The following TMEM106A variants were observed in gnomAD, a reference collection of about 807,000 sequenced individuals.
TMEM106A encodes the protein transmembrane protein 106A.
In TMEM106A, 22 loss-of-function variants were observed where a neutral mutation model predicts 25.1. That is an observed-to-expected ratio of 0.88 (90% confidence interval 0.63 to 1.25). The LOEUF (loss-of-function observed/expected upper bound fraction) is 1.25, where lower values mean the gene tolerates loss of function less well. TMEM106A is among the 50% of genes most tolerant of loss of function. The probability of loss-of-function intolerance (pLI) is 0.00; values close to 1 mark genes in which losing one functional copy is unlikely to be tolerated. For missense variants in TMEM106A, 275 were observed against 318.1 expected, an observed-to-expected ratio of 0.86 and a Z score of 1.03; for synonymous variants, 104 against 129.9, an observed-to-expected ratio of 0.80 and a Z score of 1.35.
intron 4 of TMEM106A, among the ~76,000 whole-genome samples, chr17:43,214,975 C>CA (rs963637661): frequency 8.0e-4 from 86 of 106,990 alleles, no homozygotes; most frequent in African/African-American, 2.1e-3. Flanking sequence ...AAAAAAAAAA[C>CA]AAAAAAAAAC....
chr17:43,216,650 A>AG (rs2057489185), intron 6 of TMEM106A, 47 bp from the exon 7 acceptor site: 1 of 1,614,178 alleles, frequency 6.2e-7, no homozygotes, highest in Non-Finnish European at 8.5e-7. Context: ...GTAGTGGGAA[A>AG]GGGGCAGCTG....
At position 43,218,343 on chromosome 17, in the gene TMEM106A, TGTA is replaced by T. The variant is rs2057506020; in HGVS notation, c.*545_*547del. On this transcript the variant is annotated 3_prime_UTR_variant, in exon 9 of 9. Coordinates refer to ENST00000612339, the MANE Select transcript of TMEM106A (RefSeq NM_145041.4). ...TGTCCCGTCTGAATGTGGAGAGAGC[TGTA>T]GTTTTATCTGGCTTTTAAAACATGG... The T allele has an allele frequency of 6.5e-6, 1 of 154,564 alleles. No homozygotes were observed. The highest frequency in any genetic ancestry group is 6.4e-5 in the Admixed American group (1 of 15,552). 9.6% of individuals were successfully genotyped at this position (154,564 alleles called of 1,614,324 possible).
rs1396279902 is a variant in TMEM106A, at chr17:43,218,909, G to A, written c.*1108G>A. On this transcript the variant is annotated 3_prime_UTR_variant, in exon 9 of 9. Transcript: ENST00000612339. Reference sequence around the variant, plus strand: ...ACTGTCCCTGGTTCCTAGGAAGACAGAGTTGTTCTCCAGCTAAAGCGTCTC... The same window carrying A: ...ACTGTCCCTGGTTCCTAGGAAGACAAAGTTGTTCTCCAGCTAAAGCGTCTC... 6.6e-6 allele frequency: 1 copy of A among 152,178 alleles called. No homozygotes were observed. Among genetic ancestry groups the A allele is most frequent in the African/African-American group, 2.4e-5 (1 of 41,432 alleles). The allele number at this position is 152,178 out of a possible 1,614,324, so 9.4% of individuals were successfully genotyped here.
intron 4 of TMEM106A, 57 bp from the exon 5 acceptor site, chr17:43,215,731 G>C (rs1403519089): frequency 3.8e-6 from 6 of 1,598,210 alleles, no homozygotes; most frequent in Non-Finnish European, 5.1e-6. Context: ...CCCTCTCCGA[G>C]TTTCCTTGGT....
intron 8 of TMEM106A, 146 bp from the exon 9 acceptor site, chr17:43,217,535 A>G: frequency 6.9e-7 from 1 of 1,456,764 alleles, no homozygotes; most frequent in Non-Finnish European, 9.2e-7. Context: ...CAGGTGGGGC[A>G]GCTGTCCCAG....
In TMEM106A at chr17:43,216,529, C is replaced by T. The variant is rs375668016; in HGVS notation, c.510C>T (p.Leu170=). 1.3e-5 allele frequency: 21 copies of T among 1,614,096 alleles called. No homozygotes were observed. The East Asian group carries it at 2.9e-4, about 22-fold the overall frequency. The part of the protein sequence containing the change: ...QLTLEVLHLS[L]VVGQVSNNLL... ...CCCTCGAGGTTCTGCACCTGTCCCT[C>T]GTGGTGGGGCAGGTTTCCAACAACC... The change falls in exon 6 of 9, where the codon CTC becomes CTT. Residue 170 remains leucine (L), a synonymous_variant. Transcript: ENST00000612339.
At chr17:43,214,188 CAAAAAAA>C (rs1171744040) in intron 4 of TMEM106A, among the ~76,000 whole-genome samples, 2 of 50,926 alleles carry the variant, frequency 3.9e-5, no homozygotes, top group Non-Finnish European at 7.9e-5. Flanking sequence ...CCATCTCTAT[CAAAAAAA>C]AAAAAAAAAA....
intron 4 of TMEM106A, among the ~76,000 whole-genome samples, chr17:43,215,269 G>T (rs1269634819): frequency 6.6e-6 from 1 of 151,974 alleles, no homozygotes; most frequent in African/African-American, 2.4e-5. Flanking sequence ...AAAGAAATTA[G>T]CAGTGCACAT....
chr17:43,215,712 G>A (rs951838679), intron 4 of TMEM106A, 76 bp from the exon 5 acceptor site: 5 of 1,522,996 alleles, frequency 3.3e-6, no homozygotes, highest in African/African-American at 2.7e-5. Context: ...GGAGAGGAGT[G>A]TCTGAACCCC....
rs1173853926 is a variant in TMEM106A at position 43,213,085 on chromosome 17, A to G, written c.44A>G (p.Glu15Gly). 6.2e-7 allele frequency: 1 copy of G among 1,614,222 alleles called. No homozygotes were observed. The highest frequency in any genetic ancestry group is 8.5e-7 in the Non-Finnish European group (1 of 1,180,030). Residue 15 changes from glutamate (E) to glycine (G), a missense_variant, in exon 3 of 9, where the codon GAG (glutamate) becomes GGG (glycine). Coordinates refer to ENST00000612339, the MANE Select transcript of TMEM106A (RefSeq NM_145041.4). ...CAGCTGGGCTCTTGGCGGGAGGATG[A>G]GAACAAGTCAATCCTGTCCTCCAAA... is the stretch of plus-strand genomic sequence containing the variant. ...FSQLGSWRED[E>G]NKSILSSKPA...
Position 43,213,267 on chromosome 17 carries a change from G to C in TMEM106A, c.211+15G>C, listed in dbSNP as rs1250316055. 3 of 1,613,762 alleles carry C rather than the reference G, an allele frequency of 1.9e-6. No individual in the cohort carries two copies. Among genetic ancestry groups the C allele is most frequent in the Non-Finnish European group, 2.5e-6 (3 of 1,179,840 alleles). ...GATTCCCCAAGGTGAGTGGCCCAAGGCTCTGGAAATAGCCTGGAATCCAGG... is the reference window on the plus strand; with the variant it reads ...GATTCCCCAAGGTGAGTGGCCCAAGCCTCTGGAAATAGCCTGGAATCCAGG... On this transcript the variant is annotated intron_variant, in intron 3 of 8. Coordinates refer to ENST00000612339, the MANE Select transcript of TMEM106A (RefSeq NM_145041.4).
intron 3 of TMEM106A, 67 bp downstream of exon 3, chr17:43,213,319 G>A: frequency 6.4e-7 from 1 of 1,561,324 alleles, no homozygotes; most frequent in East Asian, 2.2e-5. Context: ...TTGGCCTGGG[G>A]CAGCCCCTCT....
In TMEM106A at chr17:43,213,120, G is replaced by T; in HGVS notation, c.79G>T (p.Gly27Cys). 6.2e-7 allele frequency: 1 copy of T among 1,614,206 alleles called. No homozygotes were observed. Among genetic ancestry groups the T allele is most frequent in the Non-Finnish European group, 8.5e-7 (1 of 1,180,044 alleles). ...KSILSSKPAI[G>C]SKAVNYSSTG... is the part of the protein sequence containing the mutation. ...AATCCTGTCCTCCAAACCAGCCATT[G>T]GCAGCAAGGCTGTCAACTACTCCAG... Residue 27 changes from glycine to cysteine, a missense_variant, in exon 3 of 9, where the codon GGC becomes TGC. By Grantham distance (159) the Gly-to-Cys change is radical (BLOSUM62 -3). Coordinates refer to ENST00000612339, the MANE Select transcript of TMEM106A (RefSeq NM_145041.4).
At position 43,216,596 on chromosome 17, in the gene TMEM106A, C is replaced by T; in HGVS notation, c.570+7C>T. 2 of 1,614,168 alleles carry T rather than the reference C, an allele frequency of 1.2e-6. No homozygotes were observed. The highest frequency in any genetic ancestry group is 1.7e-6 in the Non-Finnish European group (2 of 1,179,970). ...CCCTTTGGCCAGTGAACAGGTGACT[C>T]CCCTCTCCCTGGCCAGCCCTGCCCA... is the stretch of plus-strand genomic sequence containing the variant. On this transcript the variant is annotated splice_region_variant and intron_variant, in intron 6 of 8. Transcript: ENST00000612339.
At chr17:43,213,393 G>A in intron 3 of TMEM106A, 141 bp downstream of exon 3, 1 of 864,590 alleles carries the variant, frequency 1.2e-6, no homozygotes, top group Non-Finnish European at 1.8e-6. Flanking sequence ...AGGCTGGCCA[G>A]GGAGATACTT....
chr17:43,217,193 A>G, intron 7 of TMEM106A, 66 bp from the exon 8 acceptor site: 1 of 1,539,378 alleles, frequency 6.5e-7, no homozygotes. Context: ...ACCTGCAGGC[A>G]TCTTCTGAGC....
At chr17:43,217,606 C>A in intron 8 of TMEM106A, 75 bp from the exon 9 acceptor site, 1 of 1,589,768 alleles carries the variant, frequency 6.3e-7, no homozygotes, top group Non-Finnish European at 8.6e-7. Context: ...CCGCTCCCCA[C>A]CCCCAGACAG....
In TMEM106A at chr17:43,219,683, G is replaced by A. The variant is rs1454853523; in HGVS notation, c.*1882G>A. 1 of 141,904 alleles carries A rather than the reference G, an allele frequency of 7.0e-6. No individual in the cohort carries two copies. The highest frequency in any genetic ancestry group is 2.6e-5 in the African/African-American group (1 of 38,562). The allele number at this position is 141,904 out of a possible 1,614,324, so 8.8% of individuals were successfully genotyped here. A position where few individuals can be genotyped will look rare whatever the true frequency, so the allele number is the denominator to read the frequency against. ...GGAGGCAGAGGTTGCAGTGAGCCAA[G>A]ATCGCACCACTGCACTCCAGCCTGG... On this transcript the variant is annotated 3_prime_UTR_variant, in exon 9 of 9. Coordinates refer to ENST00000612339, the MANE Select transcript of TMEM106A (RefSeq NM_145041.4).
chr17:43,218,059 T>C lies in TMEM106A; in HGVS notation c.*258T>C. ...CTGCCCTTGGTTAGTTTTTTGTTTTTTTTTTGGTAGAGACAGAGTCTCACT... is the reference window on the plus strand; with the variant it reads ...CTGCCCTTGGTTAGTTTTTTGTTTTCTTTTTGGTAGAGACAGAGTCTCACT... On this transcript the variant is annotated 3_prime_UTR_variant, in exon 9 of 9. Transcript: ENST00000612339. 1 of 449,206 alleles carries C rather than the reference T, an allele frequency of 2.2e-6. No homozygotes were observed. Among genetic ancestry groups the C allele is most frequent in the South Asian group, 2.6e-5 (1 of 38,776 alleles). The allele number at this position is 449,206 out of a possible 1,614,324, so 27.8% of individuals were successfully genotyped here.
Sources: allele counts gnomAD v4.1 joint callset (sites outside exome capture counted in the v4.1 genomes callset), GRCh38; gene constraint gnomAD v4.1.1; transcripts MANE v1.5; gene names NCBI Gene and HGNC (gene_info 2026-07-23, HGNC 2026-07-21).